TET3: variants seen among roughly 807,000 people sequenced by gnomAD.
TET3 encodes the protein methylcytosine dioxygenase TET3.
In TET3, 19 loss-of-function variants were observed where a neutral mutation model predicts 141.4. The ratio of observed to expected loss-of-function variants is 0.13; its 90% confidence interval spans 0.09 to 0.20. The LOEUF is 0.20. Among genes scored for constraint, TET3 ranks in the 10% least tolerant of loss-of-function variants. The pLI is 1.00. For missense variants in TET3, 1,874 were observed against 2,356.9 expected (o/e 0.80, Z 4.24); for synonymous variants, 1,043 against 980.9 (o/e 1.06, Z -1.18).
intron 6 of TET3, among the ~76,000 whole-genome samples, chr2:74,086,181 A>G (rs140129357): frequency 0.015 from 2,236 of 152,134 alleles, 66 homozygotes; most frequent in Non-Finnish European, 0.013. Context: ...TCCCCTGCCC[A>G]CAGGCCCTCA....
At chr2:74,030,319 T>C (rs1686610081) in intron 3 of TET3, among the ~76,000 whole-genome samples, 1 of 152,244 alleles carries the variant, frequency 6.6e-6, no homozygotes, top group Non-Finnish European at 1.5e-5. Context: ...CTAAACTTCA[T>C]ACAGTATGGT....
intron 2 of TET3, among the ~76,000 whole-genome samples, chr2:73,995,669 T>A (rs1214665043): frequency 6.6e-6 from 1 of 152,216 alleles, no homozygotes; most frequent in Admixed American, 6.5e-5. Flanking sequence ...GCTCATGTAT[T>A]GGACGGTGCA....
chr2:74,081,449 G>A (rs995260222), intron 6 of TET3, among the ~76,000 whole-genome samples: 18 of 152,242 alleles, frequency 1.2e-4, no homozygotes, highest in African/African-American at 4.1e-4. Context: ...GACTGGGGTC[G>A]TTGAGAGGCA....
intron 3 of TET3, among the ~76,000 whole-genome samples, chr2:74,044,556 T>C (rs1434629830): frequency 6.6e-6 from 1 of 152,176 alleles, no homozygotes; most frequent in East Asian, 1.9e-4. Flanking sequence ...CAGAACACAA[T>C]ATCCAGAAAG....
At chr2:73,985,554 C>A (rs894100545) in intron 1 of TET3, among the ~76,000 whole-genome samples, 3 of 148,160 alleles carry the variant, frequency 2.0e-5, no homozygotes, top group Admixed American at 6.7e-5. Flanking sequence ...GGGCGCGCCC[C>A]CACCTCCAGG....
chr2:74,093,597 C>A lies in TET3; in HGVS notation c.3198C>A (p.Val1066=), dbSNP rs1367409527. The A allele has an allele frequency of 6.2e-7, 1 of 1,613,706 alleles. No individual in the cohort carries two copies. The highest frequency in any genetic ancestry group is 1.1e-5 in the South Asian group (1 of 91,062). The change falls in exon 10 of 12, where the codon GTC becomes GTA. Residue 1066 remains valine (V), a synonymous_variant. Coordinates refer to ENST00000409262, the MANE Select transcript of TET3 (RefSeq NM_001287491.2). This position sits in a 1 kb window ranked among gnomAD's most constrained non-coding sequence, Gnocchi z 4.2. ...GLKEGRPFAG[V]TACMDFCAHA... is the part of the protein sequence containing the mutation. ...AGGAAGGACGGCCCTTCGCGGGGGT[C>A]ACGGCCTGCATGGACTTCTGTGCCC...
rs768948925 is a variant in TET3 at position 74,046,496 on chromosome 2, C to T, written c.579C>T (p.Arg193=). 1.9e-5 allele frequency: 31 copies of T among 1,613,790 alleles called. No homozygotes were observed. Among genetic ancestry groups the T allele is most frequent in the Non-Finnish European group, 2.6e-5 (31 of 1,179,818 alleles). ...EAAPGPAHTA[R]LEDAHDLVAF... is the part of the protein sequence containing the mutation. ...CCCCAGGCCCAGCTCATACTGCTCG[C>T]CTGGAAGATGCCCACGATCTGGTGG... The change falls in exon 4 of 12, where the codon CGC becomes CGT. Residue 193 remains arginine (R), a synonymous_variant. Transcript: ENST00000409262. This position sits in a 1 kb window ranked among gnomAD's most constrained non-coding sequence, Gnocchi z 4.3.
chr2:74,132,930 C>T, the TET3 span, among the ~76,000 whole-genome samples: 1 of 151,878 alleles, frequency 6.6e-6, no homozygotes, highest in African/African-American at 2.4e-5. Context: ...CGGAGTCTGG[C>T]TCTGTCATCC....
intron 5 of TET3, among the ~76,000 whole-genome samples, chr2:74,078,565 G>A (rs1408568179): frequency 1.3e-5 from 2 of 152,122 alleles, no homozygotes; most frequent in African/African-American, 4.8e-5. Context: ...CCAGTCTCAT[G>A]TTAGACATAT....
In TET3 at chr2:74,093,109, C is replaced by T. The variant is rs2104124237; in HGVS notation, c.3129+118C>T. 1.1e-6 allele frequency: 1 copy of T among 951,224 alleles called. No homozygotes were observed. Among genetic ancestry groups the T allele is most frequent in the Non-Finnish European group, 1.6e-6 (1 of 627,096 alleles). 58.9% of individuals were successfully genotyped at this position (951,224 alleles called of 1,614,324 possible). On this transcript the variant is annotated intron_variant, in intron 9 of 11. Transcript: ENST00000409262. This position sits in a 1 kb window ranked among gnomAD's most constrained non-coding sequence, Gnocchi z 4.2. ...ACTCTCTTATGGGAAGAGCCTAGTC[C>T]AGAAGTAAAGCGATATGATGTGGTT...
intron 5 of TET3, among the ~76,000 whole-genome samples, chr2:74,075,353 G>A (rs1414479989): frequency 1.1e-4 from 14 of 122,906 alleles, no homozygotes; most frequent in South Asian, 5.0e-4. Flanking sequence ...TTTTTGAGAC[G>A]GAATCTGCTC....
At chr2:74,118,406 T>C in the TET3 span, among the ~76,000 whole-genome samples, 1 of 152,200 alleles carries the variant, frequency 6.6e-6, no homozygotes, top group Non-Finnish European at 1.5e-5. Context: ...AAAAGACAAT[T>C]GAAACTTACA....
intron 3 of TET3, among the ~76,000 whole-genome samples, chr2:74,005,233 T>A (rs1685092636): frequency 6.6e-6 from 1 of 152,240 alleles, no homozygotes. Context: ...CTTAGTGTTG[T>A]GGACATGTGG....
At chr2:73,990,546 G>A (rs1684272358) in intron 2 of TET3, among the ~76,000 whole-genome samples, 2 of 152,110 alleles carry the variant, frequency 1.3e-5, no homozygotes, top group South Asian at 4.1e-4. Flanking sequence ...GATGAGGGAA[G>A]TAAATAACTA....
At chr2:73,985,784 G>C (rs1334751384) in intron 1 of TET3, among the ~76,000 whole-genome samples, 196 bp from the exon 2 acceptor site, 1 of 152,018 alleles carries the variant, frequency 6.6e-6, no homozygotes, top group Non-Finnish European at 1.5e-5. Flanking sequence ...GCCCCCAGCA[G>C]CCCTCAGGCC....
chr2:74,132,756 T>G, the TET3 span, among the ~76,000 whole-genome samples: 1 of 152,114 alleles, frequency 6.6e-6, no homozygotes, highest in Admixed American at 6.6e-5. Context: ...CAGATGCCAA[T>G]CTAGAGTGAG....
intron 4 of TET3, among the ~76,000 whole-genome samples, chr2:74,072,511 TAAA>T (rs756082699): frequency 2.3e-5 from 3 of 131,212 alleles, no homozygotes; most frequent in Non-Finnish European, 3.3e-5. Context: ...AAACTCCATC[TAAA>T]AAAAAAAAAA....
Position 73,986,695 on chromosome 2 carries a change from C to T in TET3, c.292C>T (p.Leu98Phe). ...TGAGGTGCTGAAGAAAAAAGTAGGG[C>T]TTCTCAAGGAGGTAAGCCGGCCCTT... is the stretch of plus-strand genomic sequence containing the variant. ...KCEVLKKKVG[L>F]LKEVEIKAGE... Residue 98 changes from leucine to phenylalanine, a missense_variant, in exon 2 of 12, where the codon CTT becomes TTT. By Grantham distance (22) the Leu-to-Phe change is conservative (BLOSUM62 0). Coordinates refer to ENST00000409262, the MANE Select transcript of TET3 (RefSeq NM_001287491.2). 6.5e-6 allele frequency: 8 copies of T among 1,232,016 alleles called. No individual in the cohort carries two copies. Among genetic ancestry groups the T allele is most frequent in the Non-Finnish European group, 8.1e-6 (8 of 987,984 alleles). 76.3% of individuals were successfully genotyped at this position (1,232,016 alleles called of 1,614,324 possible).
chr2:74,056,164 T>A (rs958090298), intron 4 of TET3, among the ~76,000 whole-genome samples: 4 of 152,206 alleles, frequency 2.6e-5, no homozygotes, highest in African/African-American at 9.6e-5. Flanking sequence ...AAGAAATGCC[T>A]CAGCTGTGCT....
Sources: allele counts gnomAD v4.1 joint callset (sites outside exome capture counted in the v4.1 genomes callset), GRCh38; gene constraint gnomAD v4.1.1; non-coding constraint Gnocchi (gnomAD v3.1); transcripts MANE v1.5; gene names NCBI Gene and HGNC (gene_info 2026-07-23, HGNC 2026-07-21).